The following APBA3 variants were observed in gnomAD, a reference collection of about 807,000 sequenced individuals.
APBA3 encodes amyloid beta precursor protein binding family A member 3, also known as amyloid-beta A4 precursor protein-binding family A member 3.
Under a neutral mutation model 55.9 loss-of-function variants are expected in APBA3, and 45 were observed. The observed-to-expected ratio is 0.80, with a 90% confidence interval of 0.63 to 1.03. APBA3 has a LOEUF of 1.03. Ranked by LOEUF, APBA3 falls within the 50% of genes least tolerant of loss-of-function variation. The pLI is 0.00. For synonymous variants in APBA3, 370 were observed against 353.3 expected, an observed-to-expected ratio of 1.05 and a Z score of -0.53; for missense variants, 865 against 820.3, an observed-to-expected ratio of 1.05 and a Z score of -0.67.
chr19:3,757,991 A>G (rs183922960), intron 3 of APBA3, among the ~76,000 whole-genome samples: 59 of 152,086 alleles, frequency 3.9e-4, no homozygotes, highest in African/African-American at 1.4e-3. Context: ...CTGGAGTGCA[A>G]TGGCGTGATC....
chr19:3,755,559 C>CGGCGG (rs1555743061), intron 3 of APBA3: 6 of 51,244 alleles, frequency 1.2e-4, no homozygotes, highest in East Asian at 5.4e-4. Context: ...TTTAGGAGGC[C>CGGCGG]GGGGGGGGGG....
Position 3,760,287 on chromosome 19 carries a change from G to A in APBA3, c.-23C>T, listed in dbSNP as rs373848930. On this transcript the variant is annotated 5_prime_UTR_variant, in exon 2 of 11. Coordinates refer to ENST00000316757, the MANE Select transcript of APBA3 (RefSeq NM_004886.4). ...CATGCCTGGACTCCAGGCTTAGGCC[G>A]GCATCTTCAGGCAGCTGAAAGAGAG... is the stretch of plus-strand genomic sequence containing the variant. 1.9e-5 allele frequency: 29 copies of A among 1,558,076 alleles called. No homozygotes were observed. The highest frequency in any genetic ancestry group is 2.2e-5 in the Non-Finnish European group (25 of 1,161,484).
At chr19:3,751,118 G>A (rs368511730) in intron 10 of APBA3, 21 bp from the exon 11 acceptor site, 28 of 1,563,202 alleles carry the variant, frequency 1.8e-5, no homozygotes, top group African/African-American at 1.5e-4. Context: ...GAGGCGGAAC[G>A]GGGCTCAGGG....
In APBA3 at chr19:3,752,851, T is replaced by G; in HGVS notation, c.1151A>C (p.Asp384Ala). 6.2e-7 allele frequency: 1 copy of G among 1,613,360 alleles called. No individual in the cohort carries two copies. The highest frequency in any genetic ancestry group is 8.5e-7 in the Non-Finnish European group (1 of 1,179,880). Residue 384 changes from aspartate (D) to alanine (A), a missense_variant, in exon 7 of 11, where the codon GAC (aspartate) becomes GCC (alanine). By Grantham distance (126) the Asp-to-Ala change is moderately radical. Coordinates refer to ENST00000316757, the MANE Select transcript of APBA3 (RefSeq NM_004886.4). ...GACHLHNGDL[D>A]HFSNSDNCRE... ...GCAGTTGTCACTGTTGGAGAAGTGG[T>G]CCAGGTCCCCATTATGGAGGTGGCA...
Position 3,757,811 on chromosome 19 carries a change from T to C in APBA3, c.616+1750A>G, listed in dbSNP as rs186816915. ...CAAAGAGTAAATATTTTCAGCCTTG[T>C]AGGTCACAAGGTATCTGCTGCAGCT... On this transcript the variant is annotated intron_variant, in intron 3 of 10. Coordinates refer to ENST00000316757, the MANE Select transcript of APBA3 (RefSeq NM_004886.4). Among the ~76,000 whole-genome samples, 92 of 152,348 alleles carry C rather than the reference T, an allele frequency of 6.0e-4. 1 individual carries two copies. The highest frequency in any genetic ancestry group is 3.3e-3 in the South Asian group (16 of 4,826).
chr19:3,753,182 A>C (rs1394685911), intron 6 of APBA3, 192 bp from the exon 7 acceptor site: 2 of 656,458 alleles, frequency 3.0e-6, no homozygotes, highest in African/African-American at 3.7e-5. Context: ...GGGGAGAAGG[A>C]AGGGGAGGGG....
intron 3 of APBA3, chr19:3,755,813 G>GA (rs5826826): frequency 0.39 from 54,261 of 138,550 alleles, 10,377 homozygotes; most frequent in Admixed American, 0.47. Flanking sequence ...AAACAAAAAG[G>GA]AAAAAAAAAA....
intron 3 of APBA3, among the ~76,000 whole-genome samples, 183 bp downstream of exon 3, chr19:3,759,378 T>G (rs1414448846): frequency 6.6e-6 from 1 of 152,176 alleles, no homozygotes; most frequent in African/African-American, 2.4e-5. Flanking sequence ...AGTCCCCTTC[T>G]CACTCTACCC....
In APBA3 at chr19:3,751,408, CCCGGGG is replaced by C; in HGVS notation, c.1515+20_1515+25del. 6.6e-7 allele frequency: 1 copy of C among 1,516,754 alleles called. No individual in the cohort carries two copies. Among genetic ancestry groups the C allele is most frequent in the Non-Finnish European group, 8.8e-7 (1 of 1,135,928 alleles). The allele number at this position is 1,516,754 out of a possible 1,614,324, so 94.0% of individuals were successfully genotyped here. On this transcript the variant is annotated intron_variant, in intron 9 of 10. Transcript: ENST00000316757. ...GCTCAGGGCCGCCCTACCCCCCCACCCCGGGGCCAGGGGCCGGGGCCTCACGATGCC... is the reference window on the plus strand; with the variant it reads ...GCTCAGGGCCGCCCTACCCCCCCACCCCAGGGGCCGGGGCCTCACGATGCC...
intron 3 of APBA3, among the ~76,000 whole-genome samples, chr19:3,757,753 G>A (rs1026124249): frequency 1.8e-4 from 28 of 152,042 alleles, no homozygotes; most frequent in African/African-American, 6.8e-4. Context: ...ATGCTTTTAG[G>A]GCAGGGCTTG....
Position 3,751,463 on chromosome 19 carries a change from G to A in APBA3, c.1486C>T (p.Gln496Ter). 3 of 1,553,294 alleles carry A rather than the reference G, an allele frequency of 1.9e-6. No homozygotes were observed. The highest frequency in any genetic ancestry group is 2.6e-6 in the Non-Finnish European group (3 of 1,153,682). ...CCGTCCTCCACGCAGAAGCCCAGCT[G>A]CTCGCGGGCGTGGGGCCGGTGGATG... ...AIIHRPHARE[Q>*]LGFCVEDGII... Residue 496 changes from glutamine to a stop codon, truncating the protein, a stop_gained, in exon 9 of 11, where the codon CAG (glutamine) becomes TAG (stop). Transcript: ENST00000316757. LOFTEE classifies it high-confidence loss of function.
At chr19:3,758,685 C>T (rs982237016) in intron 3 of APBA3, among the ~76,000 whole-genome samples, 1 of 152,060 alleles carries the variant, frequency 6.6e-6, no homozygotes, top group African/African-American at 2.4e-5. Flanking sequence ...CAACACCAGC[C>T]TGGCCAACAC....
rs747990814 is a variant in APBA3 at position 3,759,724 on chromosome 19, G to T, written c.541C>A (p.Leu181Ile). The T allele has an allele frequency of 6.8e-6, 11 of 1,612,720 alleles. No homozygotes were observed. In the Admixed American group the frequency reaches 1.7e-4, roughly 24 times the overall value. ...GCGGGTGGCTCTTCAGGTGTGACTA[G>T]AGGCACCGTCTCCAGCCAGGGTTCC... ...SPEPWLETVP[L>I]VTPEEPPAGA... The change falls in exon 2 of 11, where the codon CTA becomes ATA. Residue 181 changes from leucine (L) to isoleucine (I), a missense_variant. Physicochemically the swap from Leu to Ile is conservative, Grantham distance 5. Coordinates refer to ENST00000316757, the MANE Select transcript of APBA3 (RefSeq NM_004886.4).
intron 7 of APBA3, 29 bp from the exon 8 acceptor site, chr19:3,752,749 C>A: frequency 1.2e-6 from 2 of 1,607,534 alleles, no homozygotes; most frequent in African/African-American, 1.3e-5. Flanking sequence ...GCGGAGGCTG[C>A]TCAGCAGGGC....
intron 3 of APBA3, 95 bp from the exon 4 acceptor site, chr19:3,754,435 T>C (rs1299182747): frequency 6.8e-7 from 1 of 1,470,638 alleles, no homozygotes; most frequent in Non-Finnish European, 9.1e-7. Context: ...GGAGACACAG[T>C]GTTCTAGCTG....
intron 6 of APBA3, 53 bp downstream of exon 6, chr19:3,753,712 C>T: frequency 2.1e-6 from 3 of 1,434,948 alleles, no homozygotes; most frequent in South Asian, 1.5e-5. Context: ...AGGGAGGCGA[C>T]AGTTGCAGTG....
intron 9 of APBA3, 35 bp downstream of exon 9, chr19:3,751,398 AC>A (rs368571496): frequency 0.028 from 41,751 of 1,510,640 alleles, 670 homozygotes; most frequent in Middle Eastern, 0.041. Flanking sequence ...GGGCCGCCCT[AC>A]CCCCCCACCC....
Position 3,754,254 on chromosome 19 carries a change from G to A in APBA3, c.703C>T (p.Arg235Trp), listed in dbSNP as rs146736916. The change falls in exon 4 of 11, where the codon CGG becomes TGG. Residue 235 changes from arginine to tryptophan, a missense_variant. By Grantham distance (101) the Arg-to-Trp change is moderately radical. Coordinates refer to ENST00000316757, the MANE Select transcript of APBA3 (RefSeq NM_004886.4). Reference sequence around the variant, plus strand: ...ATGCGCGTGCTGGTGGGCGGGTTCCGTTCCGACACCAGCTGGGTGGACCCC... The same window carrying A: ...ATGCGCGTGCTGGTGGGCGGGTTCCATTCCGACACCAGCTGGGTGGACCCC... ...YLGSTQLVSE[R>W]NPPTSTRMAQ... 1,025 of 1,547,980 alleles carry A rather than the reference G, an allele frequency of 6.6e-4. 1 individual carries two copies. The highest frequency in any genetic ancestry group is 1.0e-3 in the Admixed American group (50 of 49,526).
chr19:3,760,417 C>A (rs2037131039), intron 1 of APBA3, 116 bp from the exon 2 acceptor site: 2 of 656,620 alleles, frequency 3.0e-6, no homozygotes, highest in Non-Finnish European at 5.0e-6. Flanking sequence ...TCAAGATCAG[C>A]CTGGGCAACA....
Sources: gnomAD v4.1 joint callset for allele counts (sites outside exome capture counted in the v4.1 genomes callset) on GRCh38, gnomAD v4.1.1 for gene constraint, MANE v1.5 for transcripts, NCBI Gene and HGNC (gene_info 2026-07-23, HGNC 2026-07-21) for gene names.